HHAT: variants seen among roughly 807,000 people sequenced by gnomAD.
HHAT encodes the protein hedgehog acyltransferase.
A neutral mutation model predicts 70.8 loss-of-function variants in HHAT; 47 were observed. The ratio of observed to expected loss-of-function variants is 0.66; its 90% CI spans 0.53 to 0.85. The LOEUF (loss-of-function observed/expected upper bound fraction) is 0.85. HHAT is among the 40% of genes least tolerant of loss of function. HHAT has a pLI of 0.00. For synonymous variants in HHAT, 228 were observed against 247.6 expected, an observed-to-expected ratio of 0.92 and a Z score of 0.74; for missense variants, 609 against 604.8, an observed-to-expected ratio of 1.01 and a Z score of -0.07.
chr1:210,496,873 A>T (rs1279950430), intron 8 of HHAT, among the ~76,000 whole-genome samples: 2 of 152,216 alleles, frequency 1.3e-5, no homozygotes, highest in Admixed American at 1.3e-4. Context: ...GTCCTTTCAG[A>T]ATCCTTCTGT....
chr1:210,420,442 T>A (rs1355619031), intron 7 of HHAT, among the ~76,000 whole-genome samples: 2 of 152,204 alleles, frequency 1.3e-5, no homozygotes, highest in Non-Finnish European at 2.9e-5. Flanking sequence ...TTCCATATAA[T>A]GCCATTTCTG....
intron 10 of HHAT, among the ~76,000 whole-genome samples, chr1:210,611,794 G>A (rs187083870): frequency 1.3e-5 from 2 of 152,102 alleles, no homozygotes; most frequent in African/African-American, 2.4e-5. Flanking sequence ...TTCTGTTTAT[G>A]TGATGAATCA....
intron 11 of HHAT, among the ~76,000 whole-genome samples, chr1:210,653,933 T>G (rs141633490): frequency 0.017 from 12 of 710 alleles, no homozygotes; most frequent in Non-Finnish European, 0.026. Context: ...AATACTGTGA[T>G]GGGAATAGTG....
intron 11 of HHAT, among the ~76,000 whole-genome samples, chr1:210,645,037 A>G (rs556273000): frequency 6.6e-6 from 1 of 152,260 alleles, no homozygotes; most frequent in East Asian, 1.9e-4. Flanking sequence ...TAAAGTTAAT[A>G]TATTTAGTTA....
intron 2 of HHAT, among the ~76,000 whole-genome samples, chr1:210,352,005 C>A (rs770709692): frequency 3.3e-5 from 5 of 152,190 alleles, no homozygotes; most frequent in Non-Finnish European, 7.3e-5. Flanking sequence ...TCTTTACCCA[C>A]ATGAGGACAC....
chr1:210,425,917 A>G (rs11119490), intron 7 of HHAT, among the ~76,000 whole-genome samples: 16,833 of 152,178 alleles, frequency 0.11, 1,182 homozygotes, highest in East Asian at 0.22. Flanking sequence ...CATTGAACCT[A>G]TAAATTGCTT....
chr1:210,595,207 C>T (rs1662682562), intron 10 of HHAT, among the ~76,000 whole-genome samples: 1 of 151,958 alleles, frequency 6.6e-6, no homozygotes, highest in Non-Finnish European at 1.5e-5. Flanking sequence ...TGAGTGAGAA[C>T]AAGCGGTGTG....
At chr1:210,632,128 C>T (rs76810292) in intron 11 of HHAT, among the ~76,000 whole-genome samples, 199 of 152,272 alleles carry the variant, frequency 1.3e-3, no homozygotes, top group Non-Finnish European at 2.4e-3. Context: ...TAAGGGGAAG[C>T]TACTGAAAGG....
chr1:210,363,203 G>A (rs2088551411), intron 3 of HHAT, among the ~76,000 whole-genome samples: 1 of 152,148 alleles, frequency 6.6e-6, no homozygotes, highest in South Asian at 2.1e-4. Flanking sequence ...ACTTGACCTA[G>A]CCAGATCCAT....
chr1:210,382,461 C>T (rs1052532048), intron 3 of HHAT, among the ~76,000 whole-genome samples: 2 of 152,190 alleles, frequency 1.3e-5, no homozygotes, highest in Non-Finnish European at 2.9e-5. Flanking sequence ...GATTTTTTGG[C>T]TCCGTTCCTG....
chr1:210,496,981 T>C (rs2094657242), intron 8 of HHAT, among the ~76,000 whole-genome samples: 1 of 152,248 alleles, frequency 6.6e-6, no homozygotes. Context: ...CCATATTTTA[T>C]GTACAACTGT....
At chr1:210,396,200 C>A (rs1241792552) in intron 4 of HHAT, among the ~76,000 whole-genome samples, 1 of 152,168 alleles carries the variant, frequency 6.6e-6, no homozygotes, top group African/African-American at 2.4e-5. Flanking sequence ...TTCCCCTCTT[C>A]CCCGGCTTTC....
Position 210,536,773 on chromosome 1 carries a change from T to C in HHAT, c.1043+23585T>C, listed in dbSNP as rs1403348318. On this transcript the variant is annotated intron_variant, in intron 9 of 11. Transcript: ENST00000261458. Reference sequence around the variant, plus strand: ...TTTGCCATACAGCAGGATTTGGCGATGTTGGCACTGTTGACATTTTGGACT... The same window carrying C: ...TTTGCCATACAGCAGGATTTGGCGACGTTGGCACTGTTGACATTTTGGACT... 9.9e-5 allele frequency among the ~76,000 whole-genome samples: 15 copies of C among 152,220 alleles called. 1 individual carries two copies. Among genetic ancestry groups the C allele is most frequent in the Non-Finnish European group, 1.9e-4 (13 of 68,048 alleles).
Position 210,478,342 on chromosome 1 carries a change from G to T in HHAT, c.1007+13687G>T, listed in dbSNP as rs565152291. Among the ~76,000 whole-genome samples the T allele has an allele frequency of 2.0e-5, 3 of 152,286 alleles. No homozygotes were observed. The South Asian group carries it at 6.2e-4, about 32-fold the overall frequency. On this transcript the variant is annotated intron_variant, in intron 8 of 11. Coordinates refer to ENST00000261458, the MANE Select transcript of HHAT (RefSeq NM_018194.6). ...TCATGATCAACTAAAATGTGGCCTA[G>T]GTGCCTTCCTTCCTCAAGGCTGTTG...
At chr1:210,544,276 G>T (rs1173467697) in intron 9 of HHAT, among the ~76,000 whole-genome samples, 2 of 152,014 alleles carry the variant, frequency 1.3e-5, no homozygotes, top group African/African-American at 4.8e-5. Flanking sequence ...TCCTGTCAAG[G>T]GACCTTGTCA....
chr1:210,378,245 T>C (rs1434675867), intron 3 of HHAT, among the ~76,000 whole-genome samples: 1 of 152,200 alleles, frequency 6.6e-6, no homozygotes, highest in East Asian at 1.9e-4. Context: ...CAGGGAAACA[T>C]TTATGATTTC....
chr1:210,554,678 A>G (rs1012891366), intron 9 of HHAT, among the ~76,000 whole-genome samples: 1 of 152,186 alleles, frequency 6.6e-6, no homozygotes, highest in African/African-American at 2.4e-5. Context: ...TCTCTAAACC[A>G]GGAAAGTGGG....
chr1:210,335,174 A>T (rs2085366146), intron 1 of HHAT, among the ~76,000 whole-genome samples: 1 of 152,238 alleles, frequency 6.6e-6, no homozygotes. Flanking sequence ...ATCTATAAAA[A>T]GGATAATAAA....
chr1:210,369,468 A>C (rs1049334172), intron 3 of HHAT, among the ~76,000 whole-genome samples: 3 of 152,240 alleles, frequency 2.0e-5, no homozygotes, highest in African/African-American at 7.2e-5. Context: ...TTTGCCCATG[A>C]AGATTTTTAA....
Sources: allele counts gnomAD v4.1 joint callset (sites outside exome capture counted in the v4.1 genomes callset), GRCh38; gene constraint gnomAD v4.1.1; transcripts MANE v1.5; gene names NCBI Gene and HGNC (gene_info 2026-07-23, HGNC 2026-07-21).